UNC5C: variants seen among roughly 807,000 people sequenced by gnomAD.
UNC5C encodes the protein unc-5 netrin receptor C.
In UNC5C, 47 loss-of-function variants were observed where a neutral mutation model predicts 99.8. That is an observed-to-expected ratio of 0.47 (90% CI 0.37 to 0.60). The LOEUF (loss-of-function observed/expected upper bound fraction) is 0.60. Ranked by LOEUF, UNC5C falls within the 20% of genes least tolerant of loss-of-function variation. The pLI is 0.00. For missense variants in UNC5C, 1,062 were observed against 1,165.9 expected (o/e 0.91, Z 1.30); for synonymous variants, 487 against 452.2 (o/e 1.08, Z -0.98).
At chr4:95,484,675 T>C (rs571870964) in intron 1 of UNC5C, among the ~76,000 whole-genome samples, 1 of 151,924 alleles carries the variant, frequency 6.6e-6, no homozygotes, top group South Asian at 2.1e-4. Context: ...AAGTAGACAT[T>C]TGTGAAGAAG....
chr4:95,257,837 A>T (rs778881333), intron 4 of UNC5C, among the ~76,000 whole-genome samples: 10 of 152,204 alleles, frequency 6.6e-5, no homozygotes, highest in Non-Finnish European at 1.3e-4. Context: ...ATGGATATTG[A>T]TAAAAAGGAT....
At chr4:95,338,599 C>G (rs913114457) in intron 1 of UNC5C, among the ~76,000 whole-genome samples, 1 of 151,990 alleles carries the variant, frequency 6.6e-6, no homozygotes, top group African/African-American at 2.4e-5. Flanking sequence ...TTTCAAAAAA[C>G]TTGAAATATA....
intron 1 of UNC5C, among the ~76,000 whole-genome samples, chr4:95,409,519 C>G (rs574477794): frequency 6.6e-6 from 1 of 152,288 alleles, no homozygotes; most frequent in South Asian, 2.1e-4. Context: ...GAATAAAATA[C>G]ACACTTGTGT....
intron 1 of UNC5C, among the ~76,000 whole-genome samples, chr4:95,504,296 G>A (rs1286954401): frequency 6.6e-6 from 1 of 152,052 alleles, no homozygotes; most frequent in Non-Finnish European, 1.5e-5. Context: ...CTCTGAACAA[G>A]CTTACCCACC....
chr4:95,281,864 G>A (rs1365052163), intron 3 of UNC5C, among the ~76,000 whole-genome samples: 2 of 152,170 alleles, frequency 1.3e-5, no homozygotes, highest in Non-Finnish European at 2.9e-5. Flanking sequence ...GTAATTCTTT[G>A]CGGTACAGTT....
chr4:95,164,504 A>C lies in UNC5C; in HGVS notation c.*4730T>G, dbSNP rs1735790019. 1 of 152,218 alleles carries C rather than the reference A, an allele frequency of 6.6e-6. No homozygotes were observed. The highest frequency in any genetic ancestry group is 2.1e-4 in the South Asian group (1 of 4,828). The allele number at this position is 152,218 out of a possible 1,614,324, so 9.4% of individuals were successfully genotyped here. ...AGCTCAGCAAGGTTAAAGAATATATAAAAATAATACAAAAAGAAAAATAAA... is the reference window on the plus strand; with the variant it reads ...AGCTCAGCAAGGTTAAAGAATATATCAAAATAATACAAAAAGAAAAATAAA... On this transcript the variant is annotated 3_prime_UTR_variant, in exon 16 of 16. Transcript: ENST00000453304.
chr4:95,335,595 G>C lies in UNC5C; in HGVS notation c.161C>G (p.Pro54Arg), dbSNP rs866242970. 1.2e-6 allele frequency: 2 copies of C among 1,610,490 alleles called. No homozygotes were observed. Among genetic ancestry groups the C allele is most frequent in the East Asian group, 4.5e-5 (2 of 44,728 alleles). ...DFFHELPETF[P>R]SDPPEPLPHF... The stretch of plus-strand genomic sequence containing the variant: ...TGGCAGAGGCTCAGGTGGATCAGAA[G>C]GAAAAGTTTCTGGGAGTTCATGAAA... The change falls in exon 2 of 16, where the codon CCT (proline) becomes CGT (arginine). Residue 54 changes from proline to arginine, a missense_variant. Pro to Arg is a moderately radical substitution (Grantham distance 103). Transcript: ENST00000453304.
intron 1 of UNC5C, among the ~76,000 whole-genome samples, chr4:95,506,602 A>G (rs1721929727): frequency 1.3e-5 from 2 of 152,022 alleles, no homozygotes; most frequent in Non-Finnish European, 2.9e-5. Context: ...TAATTTTTAC[A>G]GAGGCGGGGA....
At chr4:95,395,870 A>G (rs1745495742) in intron 1 of UNC5C, among the ~76,000 whole-genome samples, 1 of 152,216 alleles carries the variant, frequency 6.6e-6, no homozygotes, top group African/African-American at 2.4e-5. Flanking sequence ...TCTAAGGTCC[A>G]GTAGCCTTCA....
At chr4:95,197,834 G>C (rs868115938) in intron 12 of UNC5C, among the ~76,000 whole-genome samples, 1 of 152,030 alleles carries the variant, frequency 6.6e-6, no homozygotes, top group Non-Finnish European at 1.5e-5. Context: ...TCAGTGGAGG[G>C]TATCCTTGGT....
intron 7 of UNC5C, among the ~76,000 whole-genome samples, chr4:95,223,185 GA>G (rs1560740306): frequency 6.6e-6 from 1 of 152,092 alleles, no homozygotes; most frequent in South Asian, 2.1e-4. Context: ...TTTTTGAAAT[GA>G]AAAACCTATG....
chr4:95,198,303 T>G lies in UNC5C; in HGVS notation c.2136+4428A>C, dbSNP rs551005978. Among the ~76,000 whole-genome samples the G allele has an allele frequency of 2.4e-4, 36 of 152,146 alleles. No individual in the cohort carries two copies. In the South Asian group the frequency reaches 6.6e-3, roughly 28 times the overall value. Reference sequence around the variant, plus strand: ...CGTGCCCAGTGAGGGAGCCTCTCCTTAAGAACAAAGGGTAGCTTCCACGCA... The same window carrying G: ...CGTGCCCAGTGAGGGAGCCTCTCCTGAAGAACAAAGGGTAGCTTCCACGCA... On this transcript the variant is annotated intron_variant, in intron 12 of 15. Transcript: ENST00000453304.
At chr4:95,399,602 A>C (rs1446168202) in intron 1 of UNC5C, among the ~76,000 whole-genome samples, 4 of 152,174 alleles carry the variant, frequency 2.6e-5, no homozygotes, top group African/African-American at 9.7e-5. Context: ...TTTCTCCGAA[A>C]GACCTAATTG....
chr4:95,172,551 G>A lies in UNC5C; in HGVS notation c.2452-2219C>T, dbSNP rs573677480. 2.2e-4 allele frequency among the ~76,000 whole-genome samples: 34 copies of A among 151,990 alleles called. No individual in the cohort carries two copies. In the South Asian group the frequency reaches 6.2e-3, roughly 28 times the overall value. On this transcript the variant is annotated intron_variant, in intron 14 of 15. Coordinates refer to ENST00000453304, the MANE Select transcript of UNC5C (RefSeq NM_003728.4). ...GTTAGTCAAAGATCAGATAGTTGTA[G>A]ATATGCGGCGTTATTTCTGAGGGCT...
intron 1 of UNC5C, among the ~76,000 whole-genome samples, chr4:95,371,175 G>A (rs1744736682): frequency 6.6e-6 from 1 of 152,144 alleles, no homozygotes; most frequent in Admixed American, 6.6e-5. Flanking sequence ...ACACTTCAGT[G>A]AGGCAGCCTT....
At chr4:95,202,682 T>C (rs928764909) in intron 12 of UNC5C, 49 bp downstream of exon 12, 3 of 1,573,632 alleles carry the variant, frequency 1.9e-6, no homozygotes, top group East Asian at 2.3e-5. Context: ...TGCAAAACCT[T>C]GGCTTCCAGG....
intron 2 of UNC5C, among the ~76,000 whole-genome samples, chr4:95,318,122 CT>C (rs1287812485): frequency 6.6e-6 from 1 of 152,072 alleles, no homozygotes; most frequent in Non-Finnish European, 1.5e-5. Flanking sequence ...ATATGTTCAC[CT>C]TGAAAAATAT....
chr4:95,362,024 A>T (rs1439248270), intron 1 of UNC5C, among the ~76,000 whole-genome samples: 2 of 152,120 alleles, frequency 1.3e-5, no homozygotes, highest in Admixed American at 1.3e-4. Flanking sequence ...CCCAACAATT[A>T]ATGAAAGATA....
chr4:95,541,700 A>G (rs1378723487), intron 1 of UNC5C, among the ~76,000 whole-genome samples: 1 of 152,050 alleles, frequency 6.6e-6, no homozygotes, highest in African/African-American at 2.4e-5. Context: ...ATTTATGGAT[A>G]TATTTCTATT....
Sources: gnomAD v4.1 joint callset for allele counts (sites outside exome capture counted in the v4.1 genomes callset) on GRCh38, gnomAD v4.1.1 for gene constraint, MANE v1.5 for transcripts, NCBI Gene and HGNC (gene_info 2026-07-23, HGNC 2026-07-21) for gene names.